The following CADM2 variants were observed in gnomAD, a reference collection of about 807,000 sequenced individuals.
CADM2 encodes the protein cell adhesion molecule 2.
Under a neutral mutation model 49.8 loss-of-function variants are expected in CADM2, and 12 were observed. The observed-to-expected ratio is 0.24, with a 90% CI of 0.15 to 0.39. The LOEUF (loss-of-function observed/expected upper bound fraction) is 0.39, where lower values mean the gene tolerates loss of function less well. Ranked by LOEUF, CADM2 falls within the 10% of genes least tolerant of loss-of-function variation. The pLI, the probability that CADM2 is intolerant of heterozygous loss-of-function variation, is 1.00. For missense variants in CADM2, 378 were observed against 492.3 expected (o/e 0.77, Z 2.20); for synonymous variants, 214 against 175.4 (o/e 1.22, Z -1.74).
At chr3:85,539,862 T>C (rs2061502610) in intron 1 of CADM2, among the ~76,000 whole-genome samples, 1 of 152,098 alleles carries the variant, frequency 6.6e-6, no homozygotes, top group Non-Finnish European at 1.5e-5. Flanking sequence ...GATTTCAATT[T>C]TTTAAATACA....
intron 8 of CADM2, among the ~76,000 whole-genome samples, chr3:86,006,970 A>G (rs554017735): frequency 2.0e-4 from 30 of 152,138 alleles, no homozygotes; most frequent in African/African-American, 7.0e-4. Flanking sequence ...GAACCCGGAG[A>G]TGGAAGTTGC....
At chr3:85,762,354 G>A (rs534265750) in intron 2 of CADM2, among the ~76,000 whole-genome samples, 1 of 152,008 alleles carries the variant, frequency 6.6e-6, no homozygotes, top group East Asian at 1.9e-4. Context: ...TTGTTTGTTT[G>A]TTTGTTTTAC....
intron 1 of CADM2, among the ~76,000 whole-genome samples, chr3:85,533,232 C>T (rs1307533573): frequency 6.6e-6 from 1 of 152,146 alleles, no homozygotes; most frequent in Non-Finnish European, 1.5e-5. Context: ...ATCACCTAGG[C>T]AACTTGGTCT....
intron 8 of CADM2, among the ~76,000 whole-genome samples, chr3:85,985,642 G>GA (rs1429225462): frequency 1.3e-5 from 2 of 151,958 alleles, no homozygotes; most frequent in Non-Finnish European, 2.9e-5. Flanking sequence ...ATGTGCATCA[G>GA]AAAACTTAAT....
chr3:85,035,288 GTTGT>G (rs542580280), intron 1 of CADM2, among the ~76,000 whole-genome samples: 4 of 151,956 alleles, frequency 2.6e-5, no homozygotes, highest in Non-Finnish European at 5.9e-5. Context: ...TTCCTACAGC[GTTGT>G]TTGAGCTCTT....
intron 3 of CADM2, among the ~76,000 whole-genome samples, chr3:85,813,771 C>G (rs1264094840): frequency 6.6e-6 from 1 of 151,746 alleles, no homozygotes; most frequent in African/African-American, 2.4e-5. Flanking sequence ...AGTCAGTTTT[C>G]CCAACACCAT....
At chr3:85,316,256 A>G (rs1352067546) in intron 1 of CADM2, among the ~76,000 whole-genome samples, 1 of 152,144 alleles carries the variant, frequency 6.6e-6, no homozygotes, top group Non-Finnish European at 1.5e-5. Flanking sequence ...CCATCTATAT[A>G]TATTAATATT....
intron 1 of CADM2, among the ~76,000 whole-genome samples, chr3:85,068,364 A>G (rs563950833): frequency 1.3e-5 from 2 of 152,306 alleles, no homozygotes; most frequent in Non-Finnish European, 2.9e-5. Context: ...GGACAACAGC[A>G]GCAAGCCTGT....
chr3:85,518,106 A>G (rs1321756046), intron 1 of CADM2, among the ~76,000 whole-genome samples: 2 of 152,062 alleles, frequency 1.3e-5, no homozygotes, highest in African/African-American at 2.4e-5. Context: ...TCCCGGGTTC[A>G]AGCAATTCTC....
At chr3:85,921,754 A>ATCTCTC (rs147793987) in intron 6 of CADM2, among the ~76,000 whole-genome samples, 4 of 148,020 alleles carry the variant, frequency 2.7e-5, no homozygotes, top group African/African-American at 9.9e-5. Flanking sequence ...ATCTACTGTT[A>ATCTCTC]TCTCTCTCTC....
At chr3:85,895,727 T>C (rs531863515) in intron 5 of CADM2, among the ~76,000 whole-genome samples, 2 of 152,098 alleles carry the variant, frequency 1.3e-5, no homozygotes, top group African/African-American at 4.8e-5. Context: ...TAATAGTAAA[T>C]AAGTCTCATG....
At chr3:85,176,689 C>T (rs80054742) in intron 1 of CADM2, among the ~76,000 whole-genome samples, 181 of 152,242 alleles carry the variant, frequency 1.2e-3, no homozygotes, top group Non-Finnish European at 2.3e-3. Context: ...AAACTAATCA[C>T]CCTGTCCCTG....
chr3:85,115,661 A>C (rs1170672055), intron 1 of CADM2, among the ~76,000 whole-genome samples: 1 of 152,234 alleles, frequency 6.6e-6, no homozygotes, highest in Non-Finnish European at 1.5e-5. Flanking sequence ...CAACAAGCCC[A>C]AAATTTTATT....
chr3:85,719,957 TA>T (rs1318904595), intron 1 of CADM2, among the ~76,000 whole-genome samples: 1 of 152,022 alleles, frequency 6.6e-6, no homozygotes, highest in Non-Finnish European at 1.5e-5. Context: ...AAACAAGACT[TA>T]AAAAATATAG....
In CADM2 at chr3:85,547,354, C is replaced by T. The variant is rs199767785; in HGVS notation, c.62-179168C>T. 3.3e-5 allele frequency among the ~76,000 whole-genome samples: 5 copies of T among 152,220 alleles called. No homozygotes were observed. The East Asian group carries it at 9.7e-4, about 29-fold the overall frequency. On this transcript the variant is annotated intron_variant, in intron 1 of 9. Coordinates refer to ENST00000383699, the MANE Select transcript of CADM2 (RefSeq NM_001167675.2). ...CAGTGCGATGGATGGCAGCAATTAA[C>T]CAAGAAAATATGAAGTGAATTATCC...
chr3:85,192,433 T>A (rs189443121), intron 1 of CADM2, among the ~76,000 whole-genome samples: 1 of 152,046 alleles, frequency 6.6e-6, no homozygotes, highest in Non-Finnish European at 1.5e-5. Context: ...GAGCTCATCT[T>A]TCCTTAGCCA....
At chr3:85,426,127 CTATCT>C (rs1169820149) in intron 1 of CADM2, among the ~76,000 whole-genome samples, 1 of 126,112 alleles carries the variant, frequency 7.9e-6, no homozygotes, top group Non-Finnish European at 1.7e-5. Flanking sequence ...TGATTTCAGG[CTATCT>C]TTTTTTTTTT....
chr3:86,031,031 AT>A (rs1216093783), intron 8 of CADM2, among the ~76,000 whole-genome samples: 2 of 151,738 alleles, frequency 1.3e-5, no homozygotes, highest in Non-Finnish European at 3.0e-5. Context: ...TAATTTATAA[AT>A]TTTTTCTTAG....
chr3:85,012,939 GTAAGAA>G (rs932779565), intron 1 of CADM2, among the ~76,000 whole-genome samples: 22 of 151,566 alleles, frequency 1.5e-4, no homozygotes, highest in Non-Finnish European at 2.9e-5. Flanking sequence ...TGTTTTACTA[GTAAGAA>G]TACCAAATTT....
Sources: gnomAD v4.1 joint callset for allele counts (sites outside exome capture counted in the v4.1 genomes callset) on GRCh38, gnomAD v4.1.1 for gene constraint, MANE v1.5 for transcripts, NCBI Gene and HGNC (gene_info 2026-07-23, HGNC 2026-07-21) for gene names.